The following MACROD1 variants were observed in gnomAD, a reference collection of about 807,000 sequenced individuals.
MACROD1 encodes mono-ADP ribosylhydrolase 1.
A neutral mutation model predicts 41.4 loss-of-function variants in MACROD1; 31 were observed. The ratio of observed to expected loss-of-function variants is 0.75; its 90% confidence interval spans 0.56 to 1.01. MACROD1 has a LOEUF of 1.01. MACROD1 is among the 50% of genes least tolerant of loss of function. The pLI is 0.00. For missense variants in MACROD1, 473 were observed against 460.0 expected, an observed-to-expected ratio of 1.03 and a Z score of -0.26; for synonymous variants, 252 against 203.4, an observed-to-expected ratio of 1.24 and a Z score of -2.03.
chr11:64,024,367 G>C (rs967159379), intron 3 of MACROD1, among the ~76,000 whole-genome samples: 1 of 152,224 alleles, frequency 6.6e-6, no homozygotes. Flanking sequence ...CCGTTGAGGG[G>C]GTCCTATGAT....
intron 3 of MACROD1, among the ~76,000 whole-genome samples, chr11:64,095,139 G>A (rs184610997): frequency 2.1e-4 from 32 of 152,342 alleles, no homozygotes; most frequent in East Asian, 1.2e-3. Context: ...TGCAAAGATG[G>A]GGAAGGAACG....
At chr11:64,065,856 T>G (rs1590861008) in intron 3 of MACROD1, among the ~76,000 whole-genome samples, 1 of 145,656 alleles carries the variant, frequency 6.9e-6, no homozygotes, top group Non-Finnish European at 1.5e-5. Flanking sequence ...GGCAGGCAGG[T>G]GGGAGATCGC....
intron 3 of MACROD1, among the ~76,000 whole-genome samples, chr11:64,048,404 G>A (rs1943626520): frequency 6.6e-6 from 1 of 152,212 alleles, no homozygotes; most frequent in Admixed American, 6.5e-5. Context: ...CTCCCGGGGA[G>A]GGTCTGCCCT....
At chr11:64,115,542 T>C (rs183550443) in intron 3 of MACROD1, among the ~76,000 whole-genome samples, 10 of 152,356 alleles carry the variant, frequency 6.6e-5, no homozygotes, top group African/African-American at 2.2e-4. Context: ...ACCTCATTCT[T>C]CTGTCTGTAG....
At chr11:64,099,621 AGGAT>A (rs1299077911) in intron 3 of MACROD1, among the ~76,000 whole-genome samples, 1 of 151,622 alleles carries the variant, frequency 6.6e-6, no homozygotes, top group Non-Finnish European at 1.5e-5. Context: ...CAGAGATGGA[AGGAT>A]GGATGGATGG....
intron 3 of MACROD1, among the ~76,000 whole-genome samples, chr11:64,056,478 C>T (rs896531500): frequency 6.6e-6 from 1 of 152,200 alleles, no homozygotes; most frequent in African/African-American, 2.4e-5. Flanking sequence ...GAACAGGAGG[C>T]TGTACTAGAG....
chr11:64,116,313 G>T, intron 3 of MACROD1: 1 of 1,608,414 alleles, frequency 6.2e-7, no homozygotes. Flanking sequence ...CACGCCCACT[G>T]CCACTGTCAC....
In MACROD1 at chr11:63,998,986, G is replaced by C; in HGVS notation, c.942C>G (p.Tyr314Ter). The change falls in exon 9 of 11, where the codon TAC (tyrosine) becomes TAG (stop). Residue 314 changes from tyrosine to a stop codon, truncating the protein, a stop_gained. Transcript: ENST00000255681. LOFTEE classifies it high-confidence loss of function. ...GGAAGTAGTGGGGGAGCCGGCTCCGGTAGATGTCCTCGTCCTTCTCGAGGA... is the reference window on the plus strand; with the variant it reads ...GGAAGTAGTGGGGGAGCCGGCTCCGCTAGATGTCCTCGTCCTTCTCGAGGA... ...CVFLEKDEDI[Y>*]RSRLPHYFPV... 6.2e-7 allele frequency: 1 copy of C among 1,608,564 alleles called. No individual in the cohort carries two copies. Among genetic ancestry groups the C allele is most frequent in the Non-Finnish European group, 8.5e-7 (1 of 1,178,206 alleles).
chr11:64,041,199 TAAA>T (rs71045724), intron 3 of MACROD1, among the ~76,000 whole-genome samples: 380 of 21,480 alleles, frequency 0.018, no homozygotes, highest in African/African-American at 0.058. Flanking sequence ...TAGCAAACTG[TAAA>T]AAAAAAAAAA....
chr11:64,153,235 A>G (rs1487573922), intron 1 of MACROD1, among the ~76,000 whole-genome samples: 2 of 152,126 alleles, frequency 1.3e-5, no homozygotes, highest in African/African-American at 2.4e-5. Flanking sequence ...CTAGCAGCTC[A>G]CGGGCTCCCC....
At chr11:64,119,663 C>T (rs1044281048) in intron 3 of MACROD1, among the ~76,000 whole-genome samples, 1 of 152,154 alleles carries the variant, frequency 6.6e-6, no homozygotes, top group African/African-American at 2.4e-5. Context: ...GGGCCCACCC[C>T]TGGGACTCTG....
intron 3 of MACROD1, among the ~76,000 whole-genome samples, chr11:64,145,219 G>A (rs1049339390): frequency 3.9e-5 from 6 of 152,140 alleles, no homozygotes; most frequent in African/African-American, 1.4e-4. Context: ...CTGCGAGGTC[G>A]GCTTGTCGCT....
At chr11:64,001,974 G>C (rs982539629) in intron 4 of MACROD1, among the ~76,000 whole-genome samples, 3 of 152,172 alleles carry the variant, frequency 2.0e-5, no homozygotes, top group African/African-American at 7.2e-5. Flanking sequence ...ACCCACCTCA[G>C]AGCTCATTGG....
At chr11:64,156,753 T>C (rs922251360) in intron 1 of MACROD1, among the ~76,000 whole-genome samples, 5 of 152,294 alleles carry the variant, frequency 3.3e-5, no homozygotes, top group South Asian at 2.1e-4. Context: ...AGAGACAGCA[T>C]GCTGGCTCTG....
At chr11:64,010,030 CTGGGTTGTTGGT>C (rs1200012443) in intron 4 of MACROD1, among the ~76,000 whole-genome samples, 3 of 127,472 alleles carry the variant, frequency 2.4e-5, no homozygotes, top group East Asian at 2.6e-4. Context: ...GGGGTGTTGG[CTGGGTTGTTGGT>C]TGGGGTGTTG....
chr11:64,070,185 G>C (rs752232989), intron 3 of MACROD1, among the ~76,000 whole-genome samples: 2 of 152,196 alleles, frequency 1.3e-5, no homozygotes, highest in Non-Finnish European at 2.9e-5. Flanking sequence ...CACACAGCTG[G>C]TTGGGCGACA....
intron 3 of MACROD1, among the ~76,000 whole-genome samples, chr11:64,107,535 A>ATAC (rs2307738): frequency 0.15 from 23,200 of 152,280 alleles, 2,186 homozygotes; most frequent in East Asian, 0.25. Flanking sequence ...GTGGATTTGC[A>ATAC]TACCTGTCTG....
At chr11:64,065,648 G>A (rs1044593094) in intron 3 of MACROD1, among the ~76,000 whole-genome samples, 1 of 152,110 alleles carries the variant, frequency 6.6e-6, no homozygotes, top group African/African-American at 2.4e-5. Flanking sequence ...AAATTAGCCA[G>A]GCATGGTGGC....
chr11:64,109,834 C>T (rs1390294217), intron 3 of MACROD1, among the ~76,000 whole-genome samples: 2 of 152,084 alleles, frequency 1.3e-5, no homozygotes, highest in Admixed American at 1.3e-4. Flanking sequence ...AACACCTCAG[C>T]TTCACAGAGG....
Sources: allele counts gnomAD v4.1 joint callset (sites outside exome capture counted in the v4.1 genomes callset), GRCh38; gene constraint gnomAD v4.1.1; transcripts MANE v1.5; gene names NCBI Gene and HGNC (gene_info 2026-07-23, HGNC 2026-07-21).